The following PLCL1 variants were observed in gnomAD, a reference collection of about 807,000 sequenced individuals.
PLCL1 encodes inactive phospholipase C-like protein 1.
PLCL1 carries 41 observed loss-of-function variants against 84.4 expected under a neutral mutation model. The ratio of observed to expected loss-of-function variants is 0.49; its 90% CI spans 0.38 to 0.63. The LOEUF (loss-of-function observed/expected upper bound fraction) is 0.63, where lower values mean the gene tolerates loss of function less well. Ranked by LOEUF, PLCL1 falls within the 30% of genes least tolerant of loss-of-function variation. The pLI is 0.00. For missense variants in PLCL1, 1,206 were observed against 1,367.8 expected, an observed-to-expected ratio of 0.88 and a Z score of 1.87; for synonymous variants, 490 against 488.3, an observed-to-expected ratio of 1.00 and a Z score of -0.05.
At chr2:197,971,519 T>A (rs1041971631) in intron 1 of PLCL1, among the ~76,000 whole-genome samples, 8 of 152,162 alleles carry the variant, frequency 5.3e-5, no homozygotes, top group African/African-American at 1.9e-4. Flanking sequence ...GCTGTTCCAT[T>A]GGCTAAGGAG....
chr2:197,963,019 C>G (rs145483350), intron 1 of PLCL1, among the ~76,000 whole-genome samples: 1 of 152,144 alleles, frequency 6.6e-6, no homozygotes, highest in Non-Finnish European at 1.5e-5. Context: ...CTATTGTGAA[C>G]AGTGTTGCAG....
intron 1 of PLCL1, among the ~76,000 whole-genome samples, chr2:198,035,581 G>A (rs1371663): frequency 0.25 from 38,669 of 152,096 alleles, 6,108 homozygotes; most frequent in East Asian, 0.51. Flanking sequence ...GCTCCAAGGG[G>A]CTCCTACTAG....
In PLCL1 at chr2:197,948,572, A is replaced by G. The variant is rs539148051; in HGVS notation, c.241-135186A>G. Among the ~76,000 whole-genome samples the G allele has an allele frequency of 2.2e-3, 338 of 152,210 alleles. 3 individuals are homozygous for G. Among genetic ancestry groups the G allele is most frequent in the African/African-American group, 7.6e-3 (315 of 41,528 alleles). ...AAATATTTGGCTTTCTAAAGGGGTA[A>G]ATAGAATCAGAGTAGGAACTTTCTA... is the stretch of plus-strand genomic sequence containing the variant. On this transcript the variant is annotated intron_variant, in intron 1 of 5. Coordinates refer to ENST00000428675, the MANE Select transcript of PLCL1 (RefSeq NM_006226.4).
intron 5 of PLCL1, among the ~76,000 whole-genome samples, chr2:198,104,716 T>C (rs1364052076): frequency 6.6e-6 from 1 of 151,910 alleles, no homozygotes; most frequent in African/African-American, 2.4e-5. Context: ...TTTTCTGACT[T>C]TTAGCTATTC....
At chr2:198,140,632 A>AT (rs1694363940) in intron 5 of PLCL1, among the ~76,000 whole-genome samples, 1 of 152,138 alleles carries the variant, frequency 6.6e-6, no homozygotes, top group Non-Finnish European at 1.5e-5. Flanking sequence ...TTTAATTTTC[A>AT]TTATGTTGAA....
At chr2:198,055,323 C>G (rs1692037907) in intron 1 of PLCL1, among the ~76,000 whole-genome samples, 1 of 109,514 alleles carries the variant, frequency 9.1e-6, no homozygotes, top group South Asian at 3.0e-4. Flanking sequence ...CTCTCTCTCT[C>G]TCTCTCTGTG....
At chr2:198,088,557 A>G (rs1038586987) in intron 2 of PLCL1, among the ~76,000 whole-genome samples, 5 of 152,196 alleles carry the variant, frequency 3.3e-5, no homozygotes, top group African/African-American at 1.2e-4. Flanking sequence ...AACCCCTGCC[A>G]TTCTGTTTTC....
At chr2:197,902,877 A>G (rs1238590791) in intron 1 of PLCL1, among the ~76,000 whole-genome samples, 8 of 152,194 alleles carry the variant, frequency 5.3e-5, no homozygotes, top group Non-Finnish European at 8.8e-5. Flanking sequence ...AGTTTCAGAG[A>G]CAGATCTCAG....
At chr2:197,884,347 T>G (rs1687880701) in intron 1 of PLCL1, among the ~76,000 whole-genome samples, 1 of 152,224 alleles carries the variant, frequency 6.6e-6, no homozygotes, top group Admixed American at 6.5e-5. Flanking sequence ...GCAAAAAGTT[T>G]AGCTCCCAGT....
intron 1 of PLCL1, among the ~76,000 whole-genome samples, chr2:198,015,912 T>C (rs1690987052): frequency 6.6e-6 from 1 of 152,190 alleles, no homozygotes; most frequent in Non-Finnish European, 1.5e-5. Context: ...TATATATGAC[T>C]ATCTTGCTGA....
intron 5 of PLCL1, among the ~76,000 whole-genome samples, chr2:198,125,231 C>T (rs1359467919): frequency 6.6e-6 from 1 of 152,102 alleles, no homozygotes; most frequent in African/African-American, 2.4e-5. Flanking sequence ...CTTAGTCTGG[C>T]CTTCAAAATG....
intron 5 of PLCL1, among the ~76,000 whole-genome samples, chr2:198,138,974 G>A (rs543814026): frequency 6.6e-6 from 1 of 152,236 alleles, no homozygotes; most frequent in East Asian, 1.9e-4. Context: ...TGACTAACAT[G>A]GAGAAACTCC....
Position 197,804,752 on chromosome 2 carries a change from T to C in PLCL1, c.-348T>C, listed in dbSNP as rs1316575478. ...AGAGGCCGCCTGGCTGGGCGCCCGG[T>C]GCCTTTTGTCTGGCGCAGGGCCGGC... On this transcript the variant is annotated 5_prime_UTR_variant, in exon 1 of 6. Transcript: ENST00000428675. 5.5e-6 allele frequency: 1 copy of C among 183,092 alleles called. No homozygotes were observed. Among genetic ancestry groups the C allele is most frequent in the African/African-American group, 2.4e-5 (1 of 42,520 alleles). The allele number at this position is 183,092 out of a possible 1,614,324, so 11.3% of individuals were successfully genotyped here.
intron 1 of PLCL1, among the ~76,000 whole-genome samples, chr2:197,849,121 C>T (rs1326782298): frequency 6.6e-6 from 1 of 152,130 alleles, no homozygotes; most frequent in African/African-American, 2.4e-5. Flanking sequence ...CATGACATAC[C>T]ATCTTCCCTG....
chr2:197,834,492 A>G (rs1187816048), intron 1 of PLCL1, among the ~76,000 whole-genome samples: 1 of 152,268 alleles, frequency 6.6e-6, no homozygotes, highest in African/African-American at 2.4e-5. Flanking sequence ...GGTGACAGAT[A>G]TGAACAGACA....
intron 5 of PLCL1, among the ~76,000 whole-genome samples, chr2:198,141,795 A>T (rs536296942): frequency 6.6e-6 from 1 of 152,306 alleles, no homozygotes; most frequent in African/African-American, 2.4e-5. Context: ...ATAAAAGAAT[A>T]TCAGAAAACC....
At chr2:198,146,744 C>A (rs775641366) in intron 5 of PLCL1, 36 bp from the exon 6 acceptor site, 11 of 1,578,148 alleles carry the variant, frequency 7.0e-6, no homozygotes, top group Admixed American at 1.7e-5. Flanking sequence ...TGGCCCATAA[C>A]TGTCTTCTTT....
chr2:198,026,954 T>C (rs1390836572), intron 1 of PLCL1, among the ~76,000 whole-genome samples: 2 of 152,230 alleles, frequency 1.3e-5, no homozygotes, highest in African/African-American at 4.8e-5. Context: ...GAAAATAGTA[T>C]GGAGAGTTCT....
chr2:197,958,085 A>G (rs1472956138), intron 1 of PLCL1, among the ~76,000 whole-genome samples: 3 of 151,954 alleles, frequency 2.0e-5, no homozygotes, highest in Non-Finnish European at 4.4e-5. Context: ...TAGCTTTTAT[A>G]TTTGTATAGT....
Sources: gnomAD v4.1 joint callset for allele counts (sites outside exome capture counted in the v4.1 genomes callset) on GRCh38, gnomAD v4.1.1 for gene constraint, MANE v1.5 for transcripts, NCBI Gene and HGNC (gene_info 2026-07-23, HGNC 2026-07-21) for gene names.